The following CD99L2 variants were observed in gnomAD, a reference collection of about 807,000 sequenced individuals.
CD99L2 encodes CD99 antigen-like protein 2.
In CD99L2, 24 loss-of-function variants were observed where a neutral mutation model predicts 27.3. The ratio of observed to expected loss-of-function variants is 0.88; its 90% CI spans 0.64 to 1.24. The LOEUF (loss-of-function observed/expected upper bound fraction) is 1.24, where lower values mean the gene tolerates loss of function less well. CD99L2 is among the 50% of genes most tolerant of loss of function. The probability of loss-of-function intolerance (pLI) is 0.00; values close to 1 mark genes in which losing one functional copy is unlikely to be tolerated. For missense variants in CD99L2, 255 were observed against 221.6 expected (o/e 1.15, Z -0.96); for synonymous variants, 97 against 87.9 (o/e 1.10, Z -0.58).
At chrX:150,817,683 C>T (rs1557420567) in intron 2 of CD99L2, among the ~76,000 whole-genome samples, 1 of 111,709 alleles carries the variant, frequency 9.0e-6, no homozygotes, top group East Asian at 2.8e-4. Flanking sequence ...AGAAAACAAA[C>T]AGCAAAAATA....
At chrX:150,797,767 G>A (rs186595927) in intron 4 of CD99L2, among the ~76,000 whole-genome samples, 8 of 111,205 alleles carry the variant, frequency 7.2e-5, no homozygotes, top group South Asian at 7.7e-4. Context: ...GAAATAGGCC[G>A]GGTGCAGTGG....
At chrX:150,792,244 C>G (rs1476120687) in intron 7 of CD99L2, among the ~76,000 whole-genome samples, 2 of 112,384 alleles carry the variant, frequency 1.8e-5, no homozygotes. Flanking sequence ...TTCCTGAACA[C>G]TTCTTCCTTG....
At chrX:150,854,125 T>C (rs1161664753) in intron 1 of CD99L2, among the ~76,000 whole-genome samples, 1 of 111,051 alleles carries the variant, frequency 9.0e-6, no homozygotes, top group African/African-American at 3.3e-5. Context: ...CATGGGGCAG[T>C]GAGGAGACCA....
intron 2 of CD99L2, among the ~76,000 whole-genome samples, chrX:150,817,084 T>C (rs1191425932): frequency 1.1e-5 from 1 of 93,526 alleles, no homozygotes; most frequent in Non-Finnish European, 2.1e-5. Flanking sequence ...CTTTAGGAGA[T>C]ATACCTAATG....
intron 1 of CD99L2, among the ~76,000 whole-genome samples, chrX:150,852,228 G>A (rs995877475): frequency 9.0e-6 from 1 of 111,479 alleles, no homozygotes; most frequent in Non-Finnish European, 1.9e-5. Flanking sequence ...TTAGAAGTTC[G>A]CTCTGTTGTG....
intron 6 of CD99L2, among the ~76,000 whole-genome samples, chrX:150,794,860 G>A (rs148428049): frequency 0.051 from 5,687 of 112,275 alleles, 134 homozygotes; most frequent in South Asian, 0.13. Context: ...ACAGCGTGCC[G>A]CTCTCCTCAA....
chrX:150,774,894 ACCCAT>A (rs782631398), intron 9 of CD99L2, among the ~76,000 whole-genome samples: 12 of 111,735 alleles, frequency 1.1e-4, no homozygotes, highest in African/African-American at 3.9e-4. Flanking sequence ...ACTCTGTCTG[ACCCAT>A]TCCCTGCTCA....
intron 1 of CD99L2, among the ~76,000 whole-genome samples, chrX:150,854,901 G>GC (rs1234179802): frequency 1.1e-4 from 12 of 110,528 alleles, no homozygotes; most frequent in South Asian, 3.9e-4. Flanking sequence ...GCTGCCTGCT[G>GC]CCCCCCCTCC....
At chrX:150,881,746 C>A (rs2047328735) in intron 1 of CD99L2, among the ~76,000 whole-genome samples, 1 of 111,906 alleles carries the variant, frequency 8.9e-6, no homozygotes, top group Non-Finnish European at 1.9e-5. Flanking sequence ...TCAAGCCAGG[C>A]CCTTGGGGTA....
At chrX:150,802,824 G>T (rs1181124556) in intron 4 of CD99L2, among the ~76,000 whole-genome samples, 1 of 98,614 alleles carries the variant, frequency 1.0e-5, no homozygotes, top group East Asian at 3.2e-4. Context: ...CTCGTGATCT[G>T]CCCGCCTTGG....
At chrX:150,833,902 G>A (rs192405469) in intron 1 of CD99L2, among the ~76,000 whole-genome samples, 51 of 111,949 alleles carry the variant, frequency 4.6e-4, no homozygotes, top group Admixed American at 4.3e-3. Context: ...CAAAAGCACA[G>A]GCAACAAAAG....
chrX:150,843,063 C>A (rs782400939), intron 1 of CD99L2, among the ~76,000 whole-genome samples: 25 of 112,587 alleles, frequency 2.2e-4, no homozygotes, highest in Non-Finnish European at 4.5e-4. Flanking sequence ...GAGCAAGCAT[C>A]TCTGCAGAGG....
chrX:150,811,810 A>T (rs1172074509), intron 4 of CD99L2, among the ~76,000 whole-genome samples: 2 of 111,946 alleles, frequency 1.8e-5, no homozygotes, highest in African/African-American at 6.5e-5. Flanking sequence ...GAAAAAAAAC[A>T]TAGGAGAAAA....
At chrX:150,799,582 C>A (rs1557420032) in intron 4 of CD99L2, among the ~76,000 whole-genome samples, 1 of 110,548 alleles carries the variant, frequency 9.0e-6, no homozygotes, top group East Asian at 2.8e-4. Flanking sequence ...ATAGACATAT[C>A]TTCAAAGAAG....
rs782134531 is a variant in CD99L2 at position 150,877,902 on chromosome X, C to T, written c.67+20620G>A. 5.2e-3 allele frequency among the ~76,000 whole-genome samples: 563 copies of T among 107,902 alleles called. 7 individuals carry two copies. Among genetic ancestry groups the T allele is most frequent in the Middle Eastern group, 0.014 (3 of 208 alleles). The allele number at this position is 107,902 out of a possible 115,157, so 93.7% of individuals were successfully genotyped here. ...AAAGATTGTTAGGTAAAGTGGCTAA[C>T]GAAGAATGCTAGGCACTCCAGGCTG... On this transcript the variant is annotated intron_variant, in intron 1 of 10. Transcript: ENST00000370377.
intron 6 of CD99L2, among the ~76,000 whole-genome samples, chrX:150,794,972 T>C (rs2045769085): frequency 8.9e-6 from 1 of 112,826 alleles, no homozygotes; most frequent in Admixed American, 9.4e-5. Context: ...ATTAATAAAG[T>C]CTTTCAGTTT....
At chrX:150,790,033 C>T (rs1225467463) in intron 7 of CD99L2, among the ~76,000 whole-genome samples, 1 of 111,692 alleles carries the variant, frequency 9.0e-6, no homozygotes, top group African/African-American at 3.3e-5. Flanking sequence ...AACTACCAAG[C>T]TATGAAAAAA....
Position 150,831,246 on chromosome X carries a change from T to C in CD99L2, c.115A>G (p.Thr39Ala). 1 of 1,205,491 alleles carries C rather than the reference T, an allele frequency of 8.3e-7. No homozygotes were observed. The change falls in exon 2 of 11, where the codon ACT (threonine) becomes GCT (alanine). Residue 39 changes from threonine to alanine, a missense_variant. Physicochemically the swap from Thr to Ala is moderately conservative, Grantham distance 58 (BLOSUM62 0). Coordinates refer to ENST00000370377, the MANE Select transcript of CD99L2 (RefSeq NM_031462.4). ...DFNLEDAVKE[T>A]SSVKQPWDHT... ...TACTACTCACGCTTTACTGAGGAAG[T>C]TTCTTTCACTGCATCCTCCAGGTTA...
At chrX:150,802,704 C>A (rs2045929922) in intron 4 of CD99L2, among the ~76,000 whole-genome samples, 1 of 101,409 alleles carries the variant, frequency 9.9e-6, no homozygotes, top group Admixed American at 1.1e-4. Flanking sequence ...GCCTCAGCCT[C>A]CTGAGTCGCT....
Sources: allele counts gnomAD v4.1 joint callset (sites outside exome capture counted in the v4.1 genomes callset), GRCh38; gene constraint gnomAD v4.1.1; transcripts MANE v1.5; gene names NCBI Gene and HGNC (gene_info 2026-07-23, HGNC 2026-07-21).